The following ZNG1E variants were observed in gnomAD, a reference collection of about 807,000 sequenced individuals.
The protein encoded by ZNG1E is Zn regulated GTPase metalloprotein activator 1E.
chr9:65,715,320 C>T, the ZNG1E span, among the ~76,000 whole-genome samples: 1 of 150,730 alleles, frequency 6.6e-6, no homozygotes, highest in African/African-American at 2.5e-5. Flanking sequence ...TGAGATGAAC[C>T]CGGTACCTCA....
At chr9:65,698,849 A>G in the ZNG1E span, among the ~76,000 whole-genome samples, 1 of 140,558 alleles carries the variant, frequency 7.1e-6, no homozygotes, top group South Asian at 2.2e-4. Flanking sequence ...TTGTTATACA[A>G]TTTCTTTGGG....
chr9:65,682,785 A>AT, the ZNG1E span: 1 of 464,440 alleles, frequency 2.2e-6, no homozygotes, highest in African/African-American at 2.9e-5. Context: ...CCTTAGAGCT[A>AT]TTGAGAATTT....
the ZNG1E span, among the ~76,000 whole-genome samples, chr9:65,714,407 G>C: frequency 2.4e-5 from 2 of 83,672 alleles, no homozygotes; most frequent in South Asian, 7.7e-4. Context: ...GAGGAACTGC[G>C]TTTCTTTGGA....
At chr9:65,665,332 C>T in the ZNG1E span, among the ~76,000 whole-genome samples, 1 of 152,264 alleles carries the variant, frequency 6.6e-6, no homozygotes, top group Non-Finnish European at 1.5e-5. Flanking sequence ...TGCATCCCAG[C>T]CATGAATGAA....
the ZNG1E span, among the ~76,000 whole-genome samples, chr9:65,714,392 T>C: frequency 6.6e-6 from 1 of 151,612 alleles, no homozygotes; most frequent in Non-Finnish European, 1.5e-5. Context: ...TGTTCTGTTG[T>C]TGGTGAGGAA....
chr9:65,732,964 C>G, the ZNG1E span: 1 of 1,608,260 alleles, frequency 6.2e-7, no homozygotes, highest in East Asian at 2.2e-5. Flanking sequence ...TGAGGCTGAT[C>G]AATGTTCAAT....
the ZNG1E span, among the ~76,000 whole-genome samples, chr9:65,684,550 G>GCACACACACA: frequency 5.7e-4 from 76 of 132,674 alleles, no homozygotes; most frequent in African/African-American, 2.2e-3. Context: ...ACACACGCAC[G>GCACACACACA]CACACACACA....
chr9:65,714,530 C>G, the ZNG1E span, among the ~76,000 whole-genome samples: 1 of 151,708 alleles, frequency 6.6e-6, no homozygotes. Flanking sequence ...TACTTTTGGT[C>G]TTTGATGATG....
At chr9:65,688,183 ATTAT>A in the ZNG1E span, among the ~76,000 whole-genome samples, 2 of 148,070 alleles carry the variant, frequency 1.4e-5, no homozygotes, top group African/African-American at 2.5e-5. Flanking sequence ...TAAGTCATTA[ATTAT>A]TAATTAATTG....
chr9:65,714,631 G>C, the ZNG1E span, among the ~76,000 whole-genome samples: 2 of 152,120 alleles, frequency 1.3e-5, no homozygotes, highest in Admixed American at 6.5e-5. Context: ...AGGTCTGTTG[G>C]AGTACCCGGC....
the ZNG1E span, among the ~76,000 whole-genome samples, chr9:65,673,729 C>T: frequency 1.3e-5 from 2 of 152,268 alleles, no homozygotes; most frequent in Non-Finnish European, 2.9e-5. Context: ...CACTTGAGCC[C>T]AGGAGTTTAG....
chr9:65,723,641 T>TTA, the ZNG1E span, among the ~76,000 whole-genome samples: 2 of 139,994 alleles, frequency 1.4e-5, no homozygotes, highest in Admixed American at 7.2e-5. Flanking sequence ...ATTAGGGGGC[T>TTA]TAGTGTTCTG....
At chr9:65,685,157 T>TA in the ZNG1E span, among the ~76,000 whole-genome samples, 1 of 152,256 alleles carries the variant, frequency 6.6e-6, no homozygotes, top group Non-Finnish European at 1.5e-5. Flanking sequence ...TATTTATGGC[T>TA]AAAAAATGCT....
At chr9:65,680,569 C>T in the ZNG1E span, among the ~76,000 whole-genome samples, 393 of 152,068 alleles carry the variant, frequency 2.6e-3, no homozygotes, top group African/African-American at 9.0e-3. Context: ...TTTATTAATA[C>T]CTAGCTGAAA....
At chr9:65,725,265 T>TA in the ZNG1E span, among the ~76,000 whole-genome samples, 2 of 139,882 alleles carry the variant, frequency 1.4e-5, no homozygotes, top group African/African-American at 3.0e-5. Context: ...TTTATTGTGG[T>TA]AAAAAACACT....
chr9:65,674,945 A>G, the ZNG1E span, among the ~76,000 whole-genome samples: 2 of 143,510 alleles, frequency 1.4e-5, no homozygotes, highest in East Asian at 2.1e-4. Context: ...ACACAATAGA[A>G]TACAAGACAG....
the ZNG1E span, among the ~76,000 whole-genome samples, chr9:65,691,469 T>C: frequency 6.6e-6 from 1 of 152,146 alleles, no homozygotes; most frequent in Admixed American, 6.6e-5. Flanking sequence ...GTGGTTCTTT[T>C]CACACTTTAG....
chr9:65,677,141 G>A, the ZNG1E span: 24 of 1,546,530 alleles, frequency 1.6e-5, no homozygotes, highest in Non-Finnish European at 9.6e-6. Flanking sequence ...TTCAAAGGCT[G>A]CTCTACTGAG....
At chr9:65,684,954 A>C in the ZNG1E span, among the ~76,000 whole-genome samples, 1 of 151,848 alleles carries the variant, frequency 6.6e-6, no homozygotes, top group Non-Finnish European at 1.5e-5. Context: ...ACTTGGGAGG[A>C]TCACTTGAGC....
Sources: gnomAD v4.1 joint callset for allele counts (sites outside exome capture counted in the v4.1 genomes callset) on GRCh38, gnomAD v4.1.1 for gene constraint, MANE v1.5 for transcripts, NCBI Gene and HGNC (gene_info 2026-07-23, HGNC 2026-07-21) for gene names.